FERMT2: variants seen among roughly 807,000 people sequenced by gnomAD.
FERMT2 encodes the protein fermitin family homolog 2.
FERMT2 carries 15 observed loss-of-function variants against 82.7 expected under a neutral mutation model. The observed-to-expected ratio is 0.18, with a 90% CI of 0.12 to 0.28. FERMT2 has a LOEUF of 0.28. Among genes scored for constraint, FERMT2 ranks in the 10% least tolerant of loss-of-function variants. FERMT2 has a pLI of 1.00. For missense variants in FERMT2, 645 were observed against 809.4 expected, an observed-to-expected ratio of 0.80 and a Z score of 2.46; for synonymous variants, 274 against 271.5, an observed-to-expected ratio of 1.01 and a Z score of -0.09.
rs748705901 is a variant in FERMT2, at chr14:52,864,594, G to A, written c.1409C>T (p.Ala470Val). ...CTTGCCTTTGGAGGCTAATCTGCAG[G>A]CTGCCATCCAGTGTGCATACTGTTT... ...NEKQYAHWMA[A>V]CRLASKGKTM... Residue 470 changes from alanine (A) to valine (V), a missense_variant, in exon 12 of 15, where the codon GCC becomes GTC. Ala to Val is a moderately conservative substitution (Grantham distance 64). Transcript: ENST00000341590. 6.2e-7 allele frequency: 1 copy of A among 1,614,066 alleles called. No homozygotes were observed. Among genetic ancestry groups the A allele is most frequent in the Non-Finnish European group, 8.5e-7 (1 of 1,179,924 alleles).
chr14:52,859,352 AAG>A (rs1884758832), intron 14 of FERMT2: 1 of 439,444 alleles, frequency 2.3e-6, no homozygotes, highest in Admixed American at 4.2e-5. Flanking sequence ...AAAGACAAAA[AAG>A]GCAACATTCT....
chr14:52,900,405 G>A (rs930606067), intron 3 of FERMT2, among the ~76,000 whole-genome samples: 1 of 152,148 alleles, frequency 6.6e-6, no homozygotes, highest in African/African-American at 2.4e-5. Flanking sequence ...GGGGAATTGA[G>A]AAACTGAGGT....
chr14:52,937,626 C>T (rs895387924), intron 2 of FERMT2, among the ~76,000 whole-genome samples: 2 of 152,136 alleles, frequency 1.3e-5, no homozygotes, highest in Admixed American at 6.5e-5. Context: ...TATTGAGAGC[C>T]GGGACTATGC....
intron 3 of FERMT2, among the ~76,000 whole-genome samples, chr14:52,907,533 G>A (rs1464020165): frequency 6.6e-6 from 1 of 152,058 alleles, no homozygotes; most frequent in Non-Finnish European, 1.5e-5. Context: ...AACGTACTGT[G>A]GGGTTTAGCA....
chr14:52,895,148 A>G (rs1196203792), intron 3 of FERMT2, among the ~76,000 whole-genome samples: 1 of 152,194 alleles, frequency 6.6e-6, no homozygotes, highest in East Asian at 1.9e-4. Flanking sequence ...TACAAATTAA[A>G]ACCACAATGA....
At chr14:52,876,565 C>T (rs1373800118) in intron 7 of FERMT2, among the ~76,000 whole-genome samples, 1 of 152,166 alleles carries the variant, frequency 6.6e-6, no homozygotes, top group African/African-American at 2.4e-5. Context: ...CTTAAAAAAT[C>T]CAGCTTTGCT....
chr14:52,926,058 C>T (rs1331423661), intron 2 of FERMT2, among the ~76,000 whole-genome samples: 1 of 152,144 alleles, frequency 6.6e-6, no homozygotes, highest in Non-Finnish European at 1.5e-5. Flanking sequence ...GAAAAACCCA[C>T]TATGTGCAGA....
chr14:52,881,309 T>G lies in FERMT2; in HGVS notation c.687A>C (p.Ser229=). 1 of 1,614,106 alleles carries G rather than the reference T, an allele frequency of 6.2e-7. No homozygotes were observed. The highest frequency in any genetic ancestry group is 8.5e-7 in the Non-Finnish European group (1 of 1,180,010). The change falls in exon 5 of 15, where the codon TCA becomes TCC. Residue 229 remains serine (S), a synonymous_variant. Coordinates refer to ENST00000341590, the MANE Select transcript of FERMT2 (RefSeq NM_006832.3). ...GILAVSQPIT[S]PEILAKMFKP... ...TGAACATTTTTGCCAAGATTTCTGG[T>G]GACGTGATTGGTTGACTGACAGCAA...
intron 2 of FERMT2, among the ~76,000 whole-genome samples, chr14:52,931,432 G>T (rs1207103928): frequency 6.6e-6 from 1 of 152,156 alleles, no homozygotes; most frequent in Non-Finnish European, 1.5e-5. Flanking sequence ...ACATAATTTT[G>T]ATTTGATTAT....
At chr14:52,906,960 G>GGA (rs1888048289) in intron 3 of FERMT2, among the ~76,000 whole-genome samples, 1 of 57,666 alleles carries the variant, frequency 1.7e-5, no homozygotes, top group Non-Finnish European at 3.4e-5. Flanking sequence ...GGGGGGGGGG[G>GGA]AATTTAGAAT....
At chr14:52,911,184 C>T (rs1236392538) in intron 3 of FERMT2, among the ~76,000 whole-genome samples, 2 of 152,162 alleles carry the variant, frequency 1.3e-5, no homozygotes, top group Non-Finnish European at 2.9e-5. Context: ...AACGCAAAAG[C>T]AACCACAGAC....
At chr14:52,866,843 G>A (rs186756310) in intron 10 of FERMT2, among the ~76,000 whole-genome samples, 28 of 152,102 alleles carry the variant, frequency 1.8e-4, no homozygotes, top group African/African-American at 6.7e-4. Context: ...TTGCTTCCAC[G>A]CAGTGCAAGA....
At chr14:52,875,611 G>C (rs1037108367) in intron 7 of FERMT2, among the ~76,000 whole-genome samples, 1 of 151,724 alleles carries the variant, frequency 6.6e-6, no homozygotes, top group Admixed American at 6.6e-5. Flanking sequence ...AGACTTAAGA[G>C]AGTTAACTGG....
At chr14:52,911,520 G>T (rs898604760) in intron 3 of FERMT2, among the ~76,000 whole-genome samples, 1 of 151,796 alleles carries the variant, frequency 6.6e-6, no homozygotes, top group Admixed American at 6.6e-5. Flanking sequence ...GCGTGGTGGC[G>T]AGCGCCTATA....
chr14:52,930,218 C>T (rs919178188), intron 2 of FERMT2, among the ~76,000 whole-genome samples: 2 of 152,126 alleles, frequency 1.3e-5, no homozygotes, highest in East Asian at 1.9e-4. Flanking sequence ...ACTGAACAGA[C>T]ATCCTGTTCT....
intron 3 of FERMT2, among the ~76,000 whole-genome samples, chr14:52,913,412 C>T (rs1205318154): frequency 6.6e-6 from 1 of 152,124 alleles, no homozygotes; most frequent in Non-Finnish European, 1.5e-5. Context: ...ATGTTGCTAC[C>T]ACTTCTGCCA....
chr14:52,916,866 A>G (rs897246696), intron 3 of FERMT2, among the ~76,000 whole-genome samples: 2 of 152,252 alleles, frequency 1.3e-5, no homozygotes, highest in Non-Finnish European at 2.9e-5. Context: ...CAGTTTATTA[A>G]TTTCTCAAAA....
chr14:52,874,224 A>G lies in FERMT2; in HGVS notation c.1101T>C (p.Gly367=), dbSNP rs890602168. The G allele has an allele frequency of 4.4e-6, 7 of 1,580,774 alleles. No individual in the cohort carries two copies. The African/African-American group carries it at 9.5e-5, about 21-fold the overall frequency. The part of the protein sequence containing the change: ...LEGGKTSTIL[G]DITSIPELAD... ...CAAGTTCAGGAATGGAAGTAATGTCACCCTAGGAGAGAGTTAAATCCTTTT... is the reference window on the plus strand; with the variant it reads ...CAAGTTCAGGAATGGAAGTAATGTCGCCCTAGGAGAGAGTTAAATCCTTTT... The change falls in exon 9 of 15, where the codon GGT becomes GGC. Residue 367 remains glycine (G), a splice_region_variant and synonymous_variant. Coordinates refer to ENST00000341590, the MANE Select transcript of FERMT2 (RefSeq NM_006832.3).
intron 2 of FERMT2, among the ~76,000 whole-genome samples, chr14:52,948,143 AC>A (rs1223858855): frequency 6.6e-6 from 1 of 151,962 alleles, no homozygotes; most frequent in Non-Finnish European, 1.5e-5. Flanking sequence ...CACCATCTCC[AC>A]CTTTTATCTA....
Sources: allele counts gnomAD v4.1 joint callset (sites outside exome capture counted in the v4.1 genomes callset), GRCh38; gene constraint gnomAD v4.1.1; transcripts MANE v1.5; gene names NCBI Gene and HGNC (gene_info 2026-07-23, HGNC 2026-07-21).